NCAM2: variants seen among roughly 807,000 people sequenced by gnomAD.
The protein encoded by NCAM2 is N-CAM-2.
Under a neutral mutation model 98.1 loss-of-function variants are expected in NCAM2, and 30 were observed. The ratio of observed to expected loss-of-function variants is 0.31; its 90% CI spans 0.23 to 0.41. The LOEUF is 0.41. NCAM2 is among the 10% of genes least tolerant of loss of function. The pLI is 1.00. For missense variants in NCAM2, 867 were observed against 1,005.8 expected (o/e 0.86, Z 1.87); for synonymous variants, 368 against 342.4 (o/e 1.07, Z -0.83).
At chr21:21,334,803 T>C (rs890914160) in intron 6 of NCAM2, among the ~76,000 whole-genome samples, 5 of 152,140 alleles carry the variant, frequency 3.3e-5, no homozygotes, top group African/African-American at 1.2e-4. Context: ...TGGTTGGTTT[T>C]AAAGGACAAC....
At chr21:21,301,697 C>T (rs982755873) in intron 5 of NCAM2, among the ~76,000 whole-genome samples, 3 of 150,206 alleles carry the variant, frequency 2.0e-5, no homozygotes, top group African/African-American at 7.4e-5. Flanking sequence ...CATCCATGTC[C>T]CTACAAAGGA....
intron 1 of NCAM2, among the ~76,000 whole-genome samples, chr21:21,173,727 C>G (rs2068193313): frequency 6.6e-6 from 1 of 152,104 alleles, no homozygotes; most frequent in African/African-American, 2.4e-5. Flanking sequence ...TTTGGAATAA[C>G]GATTAGCATG....
At chr21:21,418,671 A>G (rs554077335) in intron 11 of NCAM2, 102 bp downstream of exon 11, 121 of 845,376 alleles carry the variant, frequency 1.4e-4, no homozygotes, top group Non-Finnish European at 2.0e-4. Context: ...GGGATTTAAA[A>G]CAATGGATCT....
chr21:21,332,326 TG>T (rs1281811603), intron 6 of NCAM2, among the ~76,000 whole-genome samples: 1 of 152,172 alleles, frequency 6.6e-6, no homozygotes, highest in Admixed American at 6.5e-5. Context: ...AAGTTTTATT[TG>T]AGGGAGAGCT....
intron 1 of NCAM2, among the ~76,000 whole-genome samples, chr21:21,159,480 T>C (rs779704202): frequency 1.3e-5 from 2 of 152,162 alleles, no homozygotes; most frequent in Non-Finnish European, 2.9e-5. Flanking sequence ...TTCAATTGTT[T>C]ATCTTTTATA....
intron 1 of NCAM2, among the ~76,000 whole-genome samples, chr21:21,113,810 C>G (rs1046495843): frequency 2.0e-5 from 3 of 150,814 alleles, no homozygotes; most frequent in African/African-American, 7.5e-5. Flanking sequence ...AAAGCAATGC[C>G]TCTTTTTTTT....
At chr21:21,104,305 A>T (rs1333429723) in intron 1 of NCAM2, among the ~76,000 whole-genome samples, 1 of 152,178 alleles carries the variant, frequency 6.6e-6, no homozygotes. Flanking sequence ...AGTGTATTGT[A>T]TATATCTGCA....
At chr21:21,032,256 A>G (rs934760736) in intron 1 of NCAM2, among the ~76,000 whole-genome samples, 5 of 152,130 alleles carry the variant, frequency 3.3e-5, no homozygotes, top group African/African-American at 1.2e-4. Flanking sequence ...GAAAATGGAA[A>G]TAAATCTAAT....
intron 1 of NCAM2, among the ~76,000 whole-genome samples, chr21:21,174,196 T>G (rs1330125269): frequency 6.6e-6 from 1 of 152,198 alleles, no homozygotes; most frequent in South Asian, 2.1e-4. Flanking sequence ...GTGCTGGGAT[T>G]ACAGGTGTGA....
chr21:21,329,260 T>A lies in NCAM2; in HGVS notation c.737+4760T>A, dbSNP rs529218215. On this transcript the variant is annotated intron_variant, in intron 6 of 17. Coordinates refer to ENST00000400546, the MANE Select transcript of NCAM2 (RefSeq NM_004540.5). ...CCACGCCTAGCAAAAAACACTTTTA[T>A]ACCATATTTTTTACTGTACCTTTTC... 2.4e-4 allele frequency among the ~76,000 whole-genome samples: 37 copies of A among 152,278 alleles called. 1 individual carries two copies. Among genetic ancestry groups the A allele is most frequent in the Admixed American group, 2.4e-3 (37 of 15,296 alleles).
chr21:21,393,379 T>C (rs2076423944), intron 9 of NCAM2, among the ~76,000 whole-genome samples: 1 of 152,170 alleles, frequency 6.6e-6, no homozygotes, highest in Non-Finnish European at 1.5e-5. Context: ...TTTTTCCAGA[T>C]AGTATAAAAT....
At chr21:21,089,812 A>T (rs974007257) in intron 1 of NCAM2, among the ~76,000 whole-genome samples, 1 of 152,126 alleles carries the variant, frequency 6.6e-6, no homozygotes, top group Admixed American at 6.6e-5. Context: ...TGATAATATT[A>T]TTTCTTCTGA....
chr21:21,233,643 G>A (rs1375229943), intron 1 of NCAM2, among the ~76,000 whole-genome samples: 1 of 151,570 alleles, frequency 6.6e-6, no homozygotes, highest in Non-Finnish European at 1.5e-5. Context: ...TTGTTTTAAG[G>A]TATATTGTGA....
intron 1 of NCAM2, among the ~76,000 whole-genome samples, chr21:21,249,064 C>G (rs1189235810): frequency 2.6e-5 from 4 of 151,854 alleles, no homozygotes; most frequent in Non-Finnish European, 5.9e-5. Context: ...CTTTCCTTAC[C>G]AATTATGAGG....
intron 1 of NCAM2, among the ~76,000 whole-genome samples, chr21:21,173,404 T>C (rs561550888): frequency 2.6e-5 from 4 of 152,314 alleles, no homozygotes; most frequent in East Asian, 1.9e-4. Context: ...TTCCGTTTCA[T>C]TTATAAGGTT....
At chr21:21,106,511 CTATTA>C (rs2066353011) in intron 1 of NCAM2, among the ~76,000 whole-genome samples, 1 of 151,826 alleles carries the variant, frequency 6.6e-6, no homozygotes, top group Non-Finnish European at 1.5e-5. Flanking sequence ...TTATGACTTT[CTATTA>C]TAAGAAATAT....
At chr21:21,504,860 G>A (rs1298624785) in intron 15 of NCAM2, among the ~76,000 whole-genome samples, 1 of 151,516 alleles carries the variant, frequency 6.6e-6, no homozygotes. Flanking sequence ...TTTGATACAG[G>A]CATACAATGT....
chr21:21,255,273 C>G lies in NCAM2; in HGVS notation c.56-25305C>G, dbSNP rs546336062. Among the ~76,000 whole-genome samples the G allele has an allele frequency of 4.2e-4, 64 of 152,260 alleles. No homozygotes were observed. In the South Asian group the frequency reaches 0.013, roughly 31 times the overall value. On this transcript the variant is annotated intron_variant, in intron 1 of 17. Coordinates refer to ENST00000400546, the MANE Select transcript of NCAM2 (RefSeq NM_004540.5). Reference sequence around the variant, plus strand: ...GCTTATGAGTAGCTTACAGACATCCCTGTGAGCTGTGCTCTATTTATTGAA... The same window carrying G: ...GCTTATGAGTAGCTTACAGACATCCGTGTGAGCTGTGCTCTATTTATTGAA...
At chr21:21,178,118 A>T (rs1369772664) in intron 1 of NCAM2, among the ~76,000 whole-genome samples, 4 of 152,296 alleles carry the variant, frequency 2.6e-5, no homozygotes, top group Admixed American at 2.6e-4. Flanking sequence ...GGGTATTGAC[A>T]ATTAGTTACA....
Sources: allele counts gnomAD v4.1 joint callset (sites outside exome capture counted in the v4.1 genomes callset), GRCh38; gene constraint gnomAD v4.1.1; transcripts MANE v1.5; gene names NCBI Gene and HGNC (gene_info 2026-07-23, HGNC 2026-07-21).